Variants in CWF19L2 observed in about 807,000 individuals in gnomAD.
The protein encoded by CWF19L2 is CWF19 like cell cycle control factor 2.
In CWF19L2, 98 loss-of-function variants were observed where a neutral mutation model predicts 111.7. The observed-to-expected ratio is 0.88, with a 90% CI of 0.75 to 1.04. The LOEUF is 1.04. Ranked by LOEUF, CWF19L2 falls within the 50% of genes least tolerant of loss-of-function variation. The pLI is 0.00. For synonymous variants in CWF19L2, 351 were observed against 342.9 expected, an observed-to-expected ratio of 1.02 and a Z score of -0.26; for missense variants, 1,101 against 1,051.4, an observed-to-expected ratio of 1.05 and a Z score of -0.65.
At chr11:107,346,280 A>G (rs979380318) in intron 14 of CWF19L2, among the ~76,000 whole-genome samples, 3 of 152,218 alleles carry the variant, frequency 2.0e-5, no homozygotes, top group African/African-American at 7.2e-5. Flanking sequence ...CCCAAGGTAA[A>G]TGTTATGCAA....
intron 12 of CWF19L2, among the ~76,000 whole-genome samples, chr11:107,362,424 G>C (rs1350826647): frequency 6.6e-6 from 1 of 152,036 alleles, no homozygotes; most frequent in African/African-American, 2.4e-5. Context: ...AAATGTCCCT[G>C]TCTGACAGCT....
chr11:107,435,511 A>G lies in CWF19L2; in HGVS notation c.665-1762T>C, dbSNP rs1028529237. On this transcript the variant is annotated intron_variant, in intron 6 of 17. Transcript: ENST00000282251. ...CATAATAGCTCAGAAAAAAAAAATC[A>G]GAGAAAAAAGTAAGACTATTCCTCT... Among the ~76,000 whole-genome samples, 7 of 152,172 alleles carry G rather than the reference A, an allele frequency of 4.6e-5. No homozygotes were observed. In the South Asian group the frequency reaches 1.4e-3, roughly 31 times the overall value.
chr11:107,412,577 G>A (rs997231287), intron 10 of CWF19L2, among the ~76,000 whole-genome samples: 5 of 152,182 alleles, frequency 3.3e-5, no homozygotes, highest in African/African-American at 1.2e-4. Flanking sequence ...CTGACCTCAA[G>A]CGATCTGCCC....
chr11:107,422,395 T>C (rs965065373), intron 8 of CWF19L2, among the ~76,000 whole-genome samples: 1 of 151,906 alleles, frequency 6.6e-6, no homozygotes, highest in Non-Finnish European at 1.5e-5. Context: ...TAGTCTATAA[T>C]GAAAGAAAGC....
chr11:107,433,944 C>T (rs1477843829), intron 6 of CWF19L2, among the ~76,000 whole-genome samples, 195 bp from the exon 7 acceptor site: 1 of 138,696 alleles, frequency 7.2e-6, no homozygotes, highest in African/African-American at 2.7e-5. Context: ...ATGTAAGCCA[C>T]AGAGTTTTGC....
intron 12 of CWF19L2, among the ~76,000 whole-genome samples, chr11:107,379,231 C>A (rs1226555248): frequency 6.6e-6 from 1 of 152,234 alleles, no homozygotes; most frequent in Non-Finnish European, 1.5e-5. Flanking sequence ...CTCCCAGATT[C>A]TCCCAAGATT....
intron 8 of CWF19L2, among the ~76,000 whole-genome samples, chr11:107,424,183 C>CTT (rs11291377): frequency 1.4e-5 from 2 of 145,864 alleles, no homozygotes; most frequent in Non-Finnish European, 1.5e-5. Flanking sequence ...ACATTTCCCT[C>CTT]TTTTTTTTTT....
At chr11:107,338,971 G>C (rs961620256) in intron 14 of CWF19L2, among the ~76,000 whole-genome samples, 1 of 152,078 alleles carries the variant, frequency 6.6e-6, no homozygotes, top group Admixed American at 6.5e-5. Context: ...ATGCCTCTAG[G>C]TCTTTGAGGA....
chr11:107,415,755 A>G (rs1001410305), intron 10 of CWF19L2, among the ~76,000 whole-genome samples: 3 of 152,212 alleles, frequency 2.0e-5, no homozygotes, highest in Non-Finnish European at 2.9e-5. Context: ...ACAAGCATGC[A>G]TACACATAAA....
chr11:107,454,331 T>C, intron 3 of CWF19L2, 119 bp downstream of exon 3: 1 of 766,220 alleles, frequency 1.3e-6, no homozygotes, highest in Non-Finnish European at 1.8e-6. Context: ...CCAGATATTT[T>C]CATATCATAA....
At chr11:107,440,276 A>G (rs1861603209) in intron 5 of CWF19L2, among the ~76,000 whole-genome samples, 1 of 152,218 alleles carries the variant, frequency 6.6e-6, no homozygotes, top group African/African-American at 2.4e-5. Flanking sequence ...AACGAGCTAA[A>G]TGTTAGGAAC....
intron 3 of CWF19L2, among the ~76,000 whole-genome samples, chr11:107,447,484 TC>T (rs1746388530): frequency 6.6e-6 from 1 of 152,124 alleles, no homozygotes; most frequent in East Asian, 1.9e-4. Flanking sequence ...TGGAAGACAT[TC>T]TAGTTCCTCC....
chr11:107,397,269 A>T (rs1277113410), intron 10 of CWF19L2, among the ~76,000 whole-genome samples: 1 of 152,074 alleles, frequency 6.6e-6, no homozygotes, highest in African/African-American at 2.4e-5. Flanking sequence ...ATCCTCAGGT[A>T]TGTTTTCAAG....
intron 12 of CWF19L2, among the ~76,000 whole-genome samples, chr11:107,389,652 T>G (rs1205140907): frequency 6.6e-6 from 1 of 152,174 alleles, no homozygotes. Context: ...CAGATGCCTC[T>G]CCATAATCCA....
At chr11:107,350,798 T>A (rs1860146423) in intron 13 of CWF19L2, among the ~76,000 whole-genome samples, 2 of 152,166 alleles carry the variant, frequency 1.3e-5, no homozygotes, top group South Asian at 4.1e-4. Flanking sequence ...GAAGCCTCCC[T>A]TTAAAGTTAC....
chr11:107,391,705 C>T (rs190099331), intron 11 of CWF19L2, among the ~76,000 whole-genome samples: 13 of 152,240 alleles, frequency 8.5e-5, no homozygotes, highest in African/African-American at 2.9e-4. Flanking sequence ...CCAAATAAAA[C>T]CTTGTCTTTA....
Position 107,338,818 on chromosome 11 carries a change from T to C in CWF19L2, c.2203-2105A>G, listed in dbSNP as rs140634647. Among the ~76,000 whole-genome samples the C allele has an allele frequency of 3.7e-3, 570 of 152,348 alleles. 4 individuals carry two copies. The highest frequency in any genetic ancestry group is 0.013 in the African/African-American group (533 of 41,568). ...CCACATTTTTTTATCCAGTCTATCATTGATGGGCATTTAGGTTGATTCCAT... is the reference window on the plus strand; with the variant it reads ...CCACATTTTTTTATCCAGTCTATCACTGATGGGCATTTAGGTTGATTCCAT... On this transcript the variant is annotated intron_variant, in intron 14 of 17. Transcript: ENST00000282251.
chr11:107,373,392 C>T (rs990882526), intron 12 of CWF19L2, among the ~76,000 whole-genome samples: 1 of 135,232 alleles, frequency 7.4e-6, no homozygotes, highest in Non-Finnish European at 1.6e-5. Flanking sequence ...TTGAAGACAG[C>T]AGTGGTTCTC....
chr11:107,379,557 A>C (rs1333395033), intron 12 of CWF19L2, among the ~76,000 whole-genome samples: 1 of 152,262 alleles, frequency 6.6e-6, no homozygotes, highest in African/African-American at 2.4e-5. Flanking sequence ...TAGGGAGTTA[A>C]ACTGATTTAC....
Sources: allele counts gnomAD v4.1 joint callset (sites outside exome capture counted in the v4.1 genomes callset), GRCh38; gene constraint gnomAD v4.1.1; transcripts MANE v1.5; gene names NCBI Gene and HGNC (gene_info 2026-07-23, HGNC 2026-07-21).